The following ISM1 variants were observed in gnomAD, a reference collection of about 807,000 sequenced individuals.
ISM1 encodes isthmin-1.
In ISM1, 25 loss-of-function variants were observed where a neutral mutation model predicts 46.3. The observed-to-expected ratio is 0.54, with a 90% confidence interval of 0.39 to 0.75. The LOEUF (loss-of-function observed/expected upper bound fraction) is 0.75, where lower values mean the gene tolerates loss of function less well. Ranked by LOEUF, ISM1 falls within the 30% of genes least tolerant of loss-of-function variation. The pLI, the probability that ISM1 is intolerant of heterozygous loss-of-function variation, is 0.00. For missense variants in ISM1, 536 were observed against 625.4 expected (o/e 0.86, Z 1.52); for synonymous variants, 255 against 256.7 (o/e 0.99, Z 0.06).
At chr20:13,311,962 T>C in the ISM1 span, among the ~76,000 whole-genome samples, 1 of 152,198 alleles carries the variant, frequency 6.6e-6, no homozygotes, top group African/African-American at 2.4e-5. Context: ...AATGTGGTGA[T>C]TGATATGTTA....
At chr20:13,264,283 CT>C (rs2123231005) in intron 1 of ISM1, among the ~76,000 whole-genome samples, 1 of 152,266 alleles carries the variant, frequency 6.6e-6, no homozygotes, top group Admixed American at 6.5e-5. Flanking sequence ...AGAAAAAGTA[CT>C]AAACTTTCCT....
At position 13,298,798 on chromosome 20, in the gene ISM1, AGGAGTTGTTGACTTCAG is replaced by A. The variant is rs1034940385; in HGVS notation, c.878-129_878-113del. 44 of 725,554 alleles carry A rather than the reference AGGAGTTGTTGACTTCAG, an allele frequency of 6.1e-5. No homozygotes were observed. In the South Asian group the frequency reaches 7.5e-4, roughly 12 times the overall value. The allele number at this position is 725,554 out of a possible 1,614,324, so 44.9% of individuals were successfully genotyped here. A position where few individuals can be genotyped will look rare whatever the true frequency, so the allele number is the denominator to read the frequency against. On this transcript the variant is annotated intron_variant, in intron 5 of 5. Coordinates refer to ENST00000262487, the MANE Select transcript of ISM1 (RefSeq NM_080826.2). ...CTGCAGGGGTGTCTGGCTCTAGGAC[AGGAGTTGTTGACTTCAG>A]GGAGTTGTTGACTTTAGTGTCCTCC... is the stretch of plus-strand genomic sequence containing the variant.
At chr20:13,256,395 C>CA (rs559300861) in intron 1 of ISM1, among the ~76,000 whole-genome samples, 4,904 of 71,020 alleles carry the variant, frequency 0.069, 219 homozygotes, top group African/African-American at 0.13. Context: ...GACCCCGTCT[C>CA]AAAAAAAAAA....
intron 3 of ISM1, among the ~76,000 whole-genome samples, chr20:13,283,938 A>C (rs2040264853): frequency 6.6e-6 from 1 of 152,218 alleles, no homozygotes; most frequent in Non-Finnish European, 1.5e-5. Context: ...GTGGGCCAGA[A>C]TCAAAACTGC....
At chr20:13,321,257 A>T in the ISM1 span, among the ~76,000 whole-genome samples, 1 of 147,050 alleles carries the variant, frequency 6.8e-6, no homozygotes, top group African/African-American at 2.5e-5. Flanking sequence ...CCCACATAAA[A>T]AAAAAAAAAA....
intron 1 of ISM1, among the ~76,000 whole-genome samples, chr20:13,230,062 A>C (rs1199217304): frequency 6.6e-6 from 1 of 152,148 alleles, no homozygotes; most frequent in Non-Finnish European, 1.5e-5. Context: ...ATTCACTTCT[A>C]CTCATAGTTT....
chr20:13,287,117 G>C (rs1184125852), intron 3 of ISM1, among the ~76,000 whole-genome samples: 1 of 152,168 alleles, frequency 6.6e-6, no homozygotes, highest in Non-Finnish European at 1.5e-5. Flanking sequence ...AGTTTGATAG[G>C]TGTATTAGTC....
chr20:13,226,183 A>G (rs1198128816), intron 1 of ISM1, among the ~76,000 whole-genome samples: 2 of 150,268 alleles, frequency 1.3e-5, no homozygotes, highest in African/African-American at 4.9e-5. Flanking sequence ...TTTCCTAACT[A>G]TCATCTTTAT....
chr20:13,319,126 T>A, the ISM1 span, among the ~76,000 whole-genome samples: 2 of 152,252 alleles, frequency 1.3e-5, no homozygotes, highest in South Asian at 2.1e-4. Context: ...GGGCAGGGGA[T>A]ATTTGGGAAA....
At chr20:13,284,071 C>T (rs1338859769) in intron 3 of ISM1, among the ~76,000 whole-genome samples, 1 of 152,216 alleles carries the variant, frequency 6.6e-6, no homozygotes, top group Non-Finnish European at 1.5e-5. Flanking sequence ...GAGCCTCAGT[C>T]TCCCTGCCCA....
chr20:13,268,114 G>GTCTTGTCTTCTCTTCTCTTCTCTTC (rs2040063733), intron 1 of ISM1, among the ~76,000 whole-genome samples: 3 of 140,392 alleles, frequency 2.1e-5, no homozygotes, highest in Admixed American at 1.4e-4. Flanking sequence ...CTCCTCTCCT[G>GTCTTGTCTTCTCTTCTCTTCTCTTC]TCTTCTCTTC....
chr20:13,253,051 G>A (rs73261070), intron 1 of ISM1, among the ~76,000 whole-genome samples: 16,388 of 152,186 alleles, frequency 0.11, 1,045 homozygotes, highest in African/African-American at 0.16. Context: ...GGCTTAATTA[G>A]AGACAGACAC....
intron 1 of ISM1, among the ~76,000 whole-genome samples, chr20:13,251,657 T>G (rs887702018): frequency 6.6e-6 from 1 of 152,222 alleles, no homozygotes; most frequent in Admixed American, 6.5e-5. Flanking sequence ...ATATTTCCTT[T>G]GGTCAGAGAG....
At chr20:13,278,298 T>C (rs1346621216) in intron 2 of ISM1, among the ~76,000 whole-genome samples, 1 of 152,204 alleles carries the variant, frequency 6.6e-6, no homozygotes, top group East Asian at 1.9e-4. Context: ...AGTTCTAGCT[T>C]TGGCTCCAGG....
At chr20:13,289,956 T>C (rs969832572) in intron 4 of ISM1, among the ~76,000 whole-genome samples, 2 of 152,140 alleles carry the variant, frequency 1.3e-5, no homozygotes, top group Admixed American at 1.3e-4. Context: ...AGACACTCAG[T>C]TCTCCAACCA....
chr20:13,256,604 C>T (rs772760081), intron 1 of ISM1, among the ~76,000 whole-genome samples: 1 of 152,116 alleles, frequency 6.6e-6, no homozygotes, highest in East Asian at 1.9e-4. Context: ...CCACGTCTTC[C>T]ATCCTCAAGG....
rs1271983281 is a variant in ISM1 at position 13,299,184 on chromosome 20, T to C, written c.1120T>C (p.Ser374Pro). 1 of 1,606,752 alleles carries C rather than the reference T, an allele frequency of 6.2e-7. No homozygotes were observed. The highest frequency in any genetic ancestry group is 1.3e-5 in the African/African-American group (1 of 74,734). ...CCGGTACTGCATCCGCTCCATGCTG[T>C]CCCTGGAGAGCACCACGCTGGCGGC... ...TARYCIRSML[S>P]LESTTLAAQH... The change falls in exon 6 of 6, where the codon TCC (serine) becomes CCC (proline). Residue 374 changes from serine (S) to proline (P), a missense_variant. Coordinates refer to ENST00000262487, the MANE Select transcript of ISM1 (RefSeq NM_080826.2). The surrounding 1 kb of genome is among the most constrained non-coding windows in gnomAD (Gnocchi z 5.8).
chr20:13,294,773 T>C (rs912294300), intron 5 of ISM1, among the ~76,000 whole-genome samples: 1 of 152,222 alleles, frequency 6.6e-6, no homozygotes, highest in African/African-American at 2.4e-5. Context: ...CACTCTTGGG[T>C]GCACCCTCTA....
chr20:13,282,600 G>A (rs959727341), intron 3 of ISM1, among the ~76,000 whole-genome samples: 2 of 152,188 alleles, frequency 1.3e-5, no homozygotes, highest in East Asian at 1.9e-4. Context: ...CACATCAGGA[G>A]CTCGTAGCAT....
Sources: gnomAD v4.1 joint callset for allele counts (sites outside exome capture counted in the v4.1 genomes callset) on GRCh38, gnomAD v4.1.1 for gene constraint, Gnocchi (gnomAD v3.1) non-coding constraint, MANE v1.5 for transcripts, NCBI Gene and HGNC (gene_info 2026-07-23, HGNC 2026-07-21) for gene names.